The following ENPP1 variants were observed in gnomAD, a reference collection of about 807,000 sequenced individuals.
ENPP1 encodes the protein ectonucleotide pyrophosphatase/phosphodiesterase 1, also known as ectonucleotide pyrophosphatase/phosphodiesterase family member 1.
A neutral mutation model predicts 122.8 loss-of-function variants in ENPP1; 73 were observed. The ratio of observed to expected loss-of-function variants is 0.59; its 90% CI spans 0.49 to 0.72. ENPP1 has a LOEUF of 0.72. Among genes scored for constraint, ENPP1 ranks in the 30% least tolerant of loss-of-function variants. ENPP1 has a pLI of 0.00. For synonymous variants in ENPP1, 367 were observed against 391.6 expected, an observed-to-expected ratio of 0.94 and a Z score of 0.74; for missense variants, 978 against 1,128.1, an observed-to-expected ratio of 0.87 and a Z score of 1.91.
chr6:131,838,864 TA>T (rs1781707433), intron 1 of ENPP1, among the ~76,000 whole-genome samples: 2 of 152,064 alleles, frequency 1.3e-5, no homozygotes, highest in South Asian at 4.1e-4. Context: ...TTTGAAAAGG[TA>T]GGTGAAATGA....
rs372420217 is a variant in ENPP1, at chr6:131,850,004, G to A, written c.328G>A (p.Gly110Ser). The A allele has an allele frequency of 3.7e-6, 6 of 1,613,488 alleles. No homozygotes were observed. Among genetic ancestry groups the A allele is most frequent in the South Asian group, 3.3e-5 (3 of 91,078 alleles). The change falls in exon 3 of 25, where the codon GGT (glycine) becomes AGT (serine). Residue 110 changes from glycine (G) to serine (S), a missense_variant. Transcript: ENST00000647893. Reference protein sequence around the residue: ...SCAKEVKSCKGRCFERTFGNC... With the variant: ...SCAKEVKSCKSRCFERTFGNC... Reference sequence around the variant, plus strand: ...AATTTTTTCAGTTAAAAGTTGCAAAGGTCGCTGTTTCGAGAGAACATTTGG... The same window carrying A: ...AATTTTTTCAGTTAAAAGTTGCAAAAGTCGCTGTTTCGAGAGAACATTTGG...
At position 131,814,412 on chromosome 6, in the gene ENPP1, A is replaced by T. The variant is rs548637471; in HGVS notation, c.240+6137A>T. On this transcript the variant is annotated intron_variant, in intron 1 of 24. Transcript: ENST00000647893. ...GAATCCTGCTGACCTAAAGAAAAAA[A>T]AAACCAAGGCAAAATTAATGTAATT... Among the ~76,000 whole-genome samples, 21 of 152,332 alleles carry T rather than the reference A, an allele frequency of 1.4e-4. No individual in the cohort carries two copies. The South Asian group carries it at 3.5e-3, about 26-fold the overall frequency.
chr6:131,871,140 AC>A (rs1369384812), intron 13 of ENPP1, among the ~76,000 whole-genome samples: 4 of 152,114 alleles, frequency 2.6e-5, no homozygotes, highest in Non-Finnish European at 5.9e-5. Flanking sequence ...GCTAAGCTGT[AC>A]CATACCCTTA....
chr6:131,821,333 A>G (rs1226544556), intron 1 of ENPP1, among the ~76,000 whole-genome samples: 1 of 152,358 alleles, frequency 6.6e-6, no homozygotes, highest in Non-Finnish European at 1.5e-5. Flanking sequence ...CACTGACTTC[A>G]TACATGATGT....
intron 1 of ENPP1, among the ~76,000 whole-genome samples, chr6:131,833,853 T>G (rs1781641743): frequency 6.6e-6 from 1 of 151,712 alleles, no homozygotes; most frequent in Non-Finnish European, 1.5e-5. Flanking sequence ...AACAGAGGAG[T>G]GGATATTTAA....
intron 22 of ENPP1, among the ~76,000 whole-genome samples, chr6:131,884,330 T>C (rs1433201748): frequency 6.6e-6 from 1 of 152,234 alleles, no homozygotes; most frequent in Non-Finnish European, 1.5e-5. Context: ...GTGTTTGCGA[T>C]GTTGCTATGC....
rs74557146 is a variant in ENPP1 at position 131,869,037 on chromosome 6, C to T, written c.1274-321C>T. Among the ~76,000 whole-genome samples, 7 of 152,242 alleles carry T rather than the reference C, an allele frequency of 4.6e-5. No homozygotes were observed. In the East Asian group the frequency reaches 7.7e-4, roughly 17 times the overall value. ...TACACATACACTCCCAGTTAATATCCTAGGTGGTTTGGGGCAAATAACTGG... is the reference window on the plus strand; with the variant it reads ...TACACATACACTCCCAGTTAATATCTTAGGTGGTTTGGGGCAAATAACTGG... On this transcript the variant is annotated intron_variant, in intron 12 of 24. Transcript: ENST00000647893.
At chr6:131,879,312 G>A (rs559004436) in intron 19 of ENPP1, among the ~76,000 whole-genome samples, 17 of 152,262 alleles carry the variant, frequency 1.1e-4, no homozygotes, top group African/African-American at 4.1e-4. Context: ...ATATGTTCAT[G>A]GAAATAGTAT....
chr6:131,830,226 G>A (rs1331183437), intron 1 of ENPP1, among the ~76,000 whole-genome samples: 17 of 152,180 alleles, frequency 1.1e-4, no homozygotes, highest in Admixed American at 1.1e-3. Flanking sequence ...AAGAAAGTAG[G>A]GCTGTGCAGA....
chr6:131,839,931 G>A (rs528464551), intron 1 of ENPP1, among the ~76,000 whole-genome samples: 6 of 152,200 alleles, frequency 3.9e-5, no homozygotes, highest in Admixed American at 1.3e-4. Flanking sequence ...GACATTATGT[G>A]TATGTCTATT....
At chr6:131,890,307 G>GGTAAC in intron 24 of ENPP1, 34 bp from the exon 25 acceptor site, 1 of 1,579,168 alleles carries the variant, frequency 6.3e-7, no homozygotes. Context: ...GTGTTCTCTT[G>GGTAAC]GTAACTTTTC....
At chr6:131,868,808 C>T (rs1002579302) in intron 12 of ENPP1, among the ~76,000 whole-genome samples, 2 of 152,202 alleles carry the variant, frequency 1.3e-5, no homozygotes, top group Non-Finnish European at 1.5e-5. Flanking sequence ...AATATTTTCA[C>T]TTTTACTTAC....
At chr6:131,845,044 T>TG (rs1562517943) in intron 1 of ENPP1, among the ~76,000 whole-genome samples, 1 of 55,706 alleles carries the variant, frequency 1.8e-5, no homozygotes, top group African/African-American at 2.6e-4. Context: ...TTCTTCATGG[T>TG]TTTTTTTTTT....
intron 16 of ENPP1, 108 bp downstream of exon 16, chr6:131,874,445 T>G (rs1782202336): frequency 1.4e-6 from 1 of 692,018 alleles, no homozygotes; most frequent in Admixed American, 2.3e-5. Flanking sequence ...TGAGAATTAA[T>G]GGAACATACT....
intron 1 of ENPP1, among the ~76,000 whole-genome samples, chr6:131,836,413 C>CAAGTGT (rs1175722006): frequency 8.4e-6 from 1 of 118,350 alleles, no homozygotes; most frequent in African/African-American, 3.8e-5. Flanking sequence ...CACACCCAGC[C>CAAGTGT]GAGTGTGTGT....
intron 23 of ENPP1, among the ~76,000 whole-genome samples, 183 bp from the exon 24 acceptor site, chr6:131,886,379 G>T (rs1356454697): frequency 1.3e-5 from 2 of 152,176 alleles, no homozygotes; most frequent in Non-Finnish European, 2.9e-5. Context: ...TTATCTGCCT[G>T]TCTTCTAATT....
Position 131,894,655 on chromosome 6 carries a change from A to G in ENPP1, c.*4144A>G, listed in dbSNP as rs1309658622. On this transcript the variant is annotated 3_prime_UTR_variant, in exon 25 of 25. Coordinates refer to ENST00000647893, the MANE Select transcript of ENPP1 (RefSeq NM_006208.3). ...AGAACAAAGAACCTGGCAAAACTTAAAAAAACGTTTCCAAGAATCAGATAA... is the reference window on the plus strand; with the variant it reads ...AGAACAAAGAACCTGGCAAAACTTAGAAAAACGTTTCCAAGAATCAGATAA... 2.0e-5 allele frequency: 3 copies of G among 152,250 alleles called. No homozygotes were observed. Among genetic ancestry groups the G allele is most frequent in the African/African-American group, 4.8e-5 (2 of 41,448 alleles). 9.4% of individuals were successfully genotyped at this position (152,250 alleles called of 1,614,324 possible).
chr6:131,852,141 G>A, intron 4 of ENPP1, 34 bp from the exon 5 acceptor site: 2 of 1,338,908 alleles, frequency 1.5e-6, no homozygotes, highest in Non-Finnish European at 2.1e-6. Flanking sequence ...TTACTGTTAA[G>A]TGTGTTCATT....
intron 8 of ENPP1, among the ~76,000 whole-genome samples, 158 bp from the exon 9 acceptor site, chr6:131,861,437 T>C (rs1562523226): frequency 1.3e-5 from 2 of 152,092 alleles, no homozygotes; most frequent in South Asian, 2.1e-4. Flanking sequence ...TGCTTAAGAG[T>C]CATATTACAT....
Sources: gnomAD v4.1 joint callset for allele counts (sites outside exome capture counted in the v4.1 genomes callset) on GRCh38, gnomAD v4.1.1 for gene constraint, MANE v1.5 for transcripts, NCBI Gene and HGNC (gene_info 2026-07-23, HGNC 2026-07-21) for gene names.